Variants in PIP5K1B observed in about 807,000 individuals in gnomAD.
The protein encoded by PIP5K1B is phosphatidylinositol 4-phosphate 5-kinase type-1 beta.
Under a neutral mutation model 67.0 loss-of-function variants are expected in PIP5K1B, and 42 were observed. The ratio of observed to expected loss-of-function variants is 0.63; its 90% CI spans 0.49 to 0.81. PIP5K1B has a LOEUF of 0.81. Among genes scored for constraint, PIP5K1B ranks in the 30% least tolerant of loss-of-function variants. PIP5K1B has a pLI of 0.00. For synonymous variants in PIP5K1B, 214 were observed against 231.4 expected (o/e 0.92, Z 0.68); for missense variants, 459 against 646.3 (o/e 0.71, Z 3.14).
chr9:69,005,157 A>G (rs1328919950), intron 15 of PIP5K1B, among the ~76,000 whole-genome samples: 5 of 151,992 alleles, frequency 3.3e-5, no homozygotes, highest in Admixed American at 6.6e-5. Context: ...TGTGCATGCA[A>G]AGGACATTTT....
chr9:68,848,104 T>C (rs1822288101), intron 4 of PIP5K1B, among the ~76,000 whole-genome samples: 1 of 152,186 alleles, frequency 6.6e-6, no homozygotes. Context: ...TTTCATCTTA[T>C]GTAAATCAAG....
intron 1 of PIP5K1B, 161 bp from the exon 2 acceptor site, chr9:68,742,340 A>C (rs1293392350): frequency 1.3e-5 from 2 of 152,252 alleles, no homozygotes; most frequent in Non-Finnish European, 2.9e-5. Flanking sequence ...ATTATCTTTA[A>C]ATATACAGAT....
chr9:68,937,337 G>T (rs1827318642), intron 13 of PIP5K1B, among the ~76,000 whole-genome samples: 1 of 152,064 alleles, frequency 6.6e-6, no homozygotes, highest in African/African-American at 2.4e-5. Flanking sequence ...GTTTAGACTT[G>T]GGAGGGTCCA....
At chr9:68,770,658 A>G (rs1830632014) in intron 2 of PIP5K1B, among the ~76,000 whole-genome samples, 1 of 152,112 alleles carries the variant, frequency 6.6e-6, no homozygotes, top group South Asian at 2.1e-4. Context: ...TAGAAGCGCA[A>G]ACCCTACTGT....
intron 8 of PIP5K1B, among the ~76,000 whole-genome samples, chr9:68,908,584 C>T (rs1054278612): frequency 1.1e-4 from 16 of 152,228 alleles, no homozygotes; most frequent in Admixed American, 9.8e-4. Flanking sequence ...TATGGCTTGT[C>T]ACAGCCTGTA....
In PIP5K1B at chr9:68,749,704, G is replaced by A. The variant is rs376231118; in HGVS notation, c.-86+7047G>A. On this transcript the variant is annotated intron_variant, in intron 2 of 15. Transcript: ENST00000265382. ...TTTGAGAGCAGGGCTTCTCAACCTC[G>A]GCACTAATGACACTTAGGGGCCAGA... Among the ~76,000 whole-genome samples the A allele has an allele frequency of 1.0e-3, 158 of 152,252 alleles. No homozygotes were observed. In the South Asian group the frequency reaches 0.03, roughly 29 times the overall value.
At chr9:68,715,835 T>C (rs912956167) in intron 1 of PIP5K1B, among the ~76,000 whole-genome samples, 1 of 152,226 alleles carries the variant, frequency 6.6e-6, no homozygotes, top group Non-Finnish European at 1.5e-5. Flanking sequence ...CAACTTTCAT[T>C]ACCACTGCCT....
At chr9:69,007,479 A>G (rs188126176) in intron 15 of PIP5K1B, among the ~76,000 whole-genome samples, 34 of 152,328 alleles carry the variant, frequency 2.2e-4, no homozygotes, top group Admixed American at 2.0e-3. Flanking sequence ...CCACCACCCT[A>G]TAAAGTAGAG....
intron 12 of PIP5K1B, among the ~76,000 whole-genome samples, chr9:68,923,893 A>C (rs192775312): frequency 1.6e-3 from 242 of 152,300 alleles, no homozygotes; most frequent in African/African-American, 5.7e-3. Flanking sequence ...TTCTGATCAC[A>C]ATGGAATGAA....
In PIP5K1B at chr9:68,863,915, C is replaced by T. The variant is rs1183270881; in HGVS notation, c.148C>T (p.Arg50Ter). The change falls in exon 5 of 16, where the codon CGA becomes TGA. Residue 50 changes from arginine (R) to a stop codon, truncating the protein, a stop_gained. Transcript: ENST00000265382. LOFTEE classifies it high-confidence loss of function. ...GGGTAATCTCACTTCCAAGCCAGAA[C>T]GAGATGTTCTTATGCAAGACTTTTA... Reference protein sequence around the residue: ...TVGNLTSKPERDVLMQDFYVV... With the variant: ...TVGNLTSKPE 6 of 1,613,720 alleles carry T rather than the reference C, an allele frequency of 3.7e-6. No individual in the cohort carries two copies. The highest frequency in any genetic ancestry group is 2.2e-5 in the East Asian group (1 of 44,858).
At chr9:68,825,787 G>C (rs1314633806) in intron 4 of PIP5K1B, among the ~76,000 whole-genome samples, 1 of 152,162 alleles carries the variant, frequency 6.6e-6, no homozygotes. Context: ...CTATAATGAG[G>C]AGTTCAAAAG....
chr9:68,828,816 C>T (rs995852136), intron 4 of PIP5K1B, among the ~76,000 whole-genome samples: 2 of 152,106 alleles, frequency 1.3e-5, no homozygotes, highest in East Asian at 1.9e-4. Context: ...CTCGGTGGCT[C>T]TATGGCTGGG....
chr9:68,866,949 A>G (rs1823388483), intron 5 of PIP5K1B, among the ~76,000 whole-genome samples: 1 of 152,178 alleles, frequency 6.6e-6, no homozygotes, highest in Admixed American at 6.5e-5. Flanking sequence ...CTGGGGTCAA[A>G]ACCAAAAAAT....
chr9:68,752,038 A>G (rs1829658680), intron 2 of PIP5K1B, among the ~76,000 whole-genome samples: 1 of 152,176 alleles, frequency 6.6e-6, no homozygotes, highest in South Asian at 2.1e-4. Context: ...CTTTAATTTT[A>G]TAAATGTATT....
In PIP5K1B at chr9:68,873,778, T is replaced by C. The variant is rs193122487; in HGVS notation, c.201-2899T>C. Among the ~76,000 whole-genome samples the C allele has an allele frequency of 9.7e-4, 147 of 152,330 alleles. No homozygotes were observed. The Middle Eastern group carries it at 0.01, about 11-fold the overall frequency. Reference sequence around the variant, plus strand: ...TAAGCCACTTAATTTGTAGAGGTTCTGTACTGGGCCTCGTGAAACTCAGCT... The same window carrying C: ...TAAGCCACTTAATTTGTAGAGGTTCCGTACTGGGCCTCGTGAAACTCAGCT... On this transcript the variant is annotated intron_variant, in intron 5 of 15. Coordinates refer to ENST00000265382, the MANE Select transcript of PIP5K1B (RefSeq NM_003558.4).
At chr9:68,724,274 T>C (rs998821919) in intron 1 of PIP5K1B, among the ~76,000 whole-genome samples, 2 of 151,774 alleles carry the variant, frequency 1.3e-5, no homozygotes, top group African/African-American at 4.8e-5. Context: ...GCCAGTACCA[T>C]GCTGTTTTGA....
chr9:68,726,605 C>A lies in PIP5K1B; in HGVS notation c.-242-15896C>A, dbSNP rs1405425433. Among the ~76,000 whole-genome samples, 6 of 152,274 alleles carry A rather than the reference C, an allele frequency of 3.9e-5. No homozygotes were observed. The South Asian group carries it at 1.2e-3, about 32-fold the overall frequency. ...TTGCAGGCTACAGTACAAATATTAG[C>A]AACCTCAACAAAAGAAAAAGTGTAG... On this transcript the variant is annotated intron_variant, in intron 1 of 15. Coordinates refer to ENST00000265382, the MANE Select transcript of PIP5K1B (RefSeq NM_003558.4).
At chr9:68,780,071 T>TCGGTGGCGGCGG (rs1831154514) in intron 2 of PIP5K1B, 2 of 1,425,358 alleles carry the variant, frequency 1.4e-6, no homozygotes, top group South Asian at 1.6e-5. Context: ...TGACAGATTC[T>TCGGTGGCGGCGG]CGGTGGCGGC....
chr9:68,944,449 A>G (rs547038049), intron 14 of PIP5K1B, among the ~76,000 whole-genome samples: 1 of 152,362 alleles, frequency 6.6e-6, no homozygotes, highest in African/African-American at 2.4e-5. Flanking sequence ...GTCACACTTC[A>G]TTCCAGTGCA....
Sources: allele counts gnomAD v4.1 joint callset (sites outside exome capture counted in the v4.1 genomes callset), GRCh38; gene constraint gnomAD v4.1.1; transcripts MANE v1.5; gene names NCBI Gene and HGNC (gene_info 2026-07-23, HGNC 2026-07-21).